Variants in THSD7A observed in about 807,000 individuals in gnomAD.
THSD7A encodes the protein thrombospondin type-1 domain-containing protein 7A.
THSD7A carries 96 observed loss-of-function variants against 231.3 expected under a neutral mutation model. That is an observed-to-expected ratio of 0.41 (90% CI 0.35 to 0.49). THSD7A has a LOEUF of 0.49. THSD7A is among the 20% of genes least tolerant of loss of function. The pLI is 0.05. For synonymous variants in THSD7A, 940 were observed against 743.3 expected, an observed-to-expected ratio of 1.26 and a Z score of -4.30; for missense variants, 2,290 against 2,070.2, an observed-to-expected ratio of 1.11 and a Z score of -2.06.
intron 6 of THSD7A, among the ~76,000 whole-genome samples, chr7:11,485,497 C>A (rs778482407): frequency 6.6e-6 from 1 of 152,198 alleles, no homozygotes; most frequent in Non-Finnish European, 1.5e-5. Context: ...ATGTTGTATA[C>A]ATCACCTCAG....
chr7:11,637,469 G>C lies in THSD7A; in HGVS notation c.191-508C>G, dbSNP rs772475474. Among the ~76,000 whole-genome samples, 1 of 152,114 alleles carries C rather than the reference G, an allele frequency of 6.6e-6. No individual in the cohort carries two copies. The highest frequency in any genetic ancestry group is 2.4e-5 in the African/African-American group (1 of 41,416). ...ATTTTCATAGACTATGACTGCAAGG[G>C]TCTAATAGTTGTATATCATGTGTGC... is the stretch of plus-strand genomic sequence containing the variant. On this transcript the variant is annotated intron_variant, in intron 1 of 27. Transcript: ENST00000423059. The surrounding 1 kb of genome is among the most constrained non-coding windows in gnomAD (Gnocchi z 4.2).
intron 6 of THSD7A, among the ~76,000 whole-genome samples, chr7:11,520,561 A>G (rs1190246368): frequency 1.3e-5 from 2 of 152,196 alleles, no homozygotes; most frequent in Admixed American, 1.3e-4. Context: ...ATGCCACAGT[A>G]TCATGCAAAT....
intron 1 of THSD7A, among the ~76,000 whole-genome samples, chr7:11,680,871 A>G (rs527240803): frequency 2.0e-5 from 3 of 152,274 alleles, no homozygotes; most frequent in African/African-American, 7.2e-5. Context: ...AAAGAATTAT[A>G]TATTATTCTA....
At position 11,543,246 on chromosome 7, in the gene THSD7A, C is replaced by T. The variant is rs1789231441; in HGVS notation, c.1454-129G>A. 3 of 701,630 alleles carry T rather than the reference C, an allele frequency of 4.3e-6. No homozygotes were observed. In the South Asian group the frequency reaches 7.1e-5, roughly 17 times the overall value. The allele number at this position is 701,630 out of a possible 1,614,324, so 43.5% of individuals were successfully genotyped here. Reference sequence around the variant, plus strand: ...GTGCTACCAAGACATTATTCCAATGCTTCTCAGCCACATCCTGAGAATAAA... The same window carrying T: ...GTGCTACCAAGACATTATTCCAATGTTTCTCAGCCACATCCTGAGAATAAA... On this transcript the variant is annotated intron_variant, in intron 4 of 27. Transcript: ENST00000423059.
At position 11,508,490 on chromosome 7, in the gene THSD7A, T is replaced by C. The variant is rs568748427; in HGVS notation, c.1823-26508A>G. On this transcript the variant is annotated intron_variant, in intron 6 of 27. Transcript: ENST00000423059. ...AAGAAATTAGAATCCTTGTACATTATTGATGAGAATACAAAATGGTGTAGC... is the reference window on the plus strand; with the variant it reads ...AAGAAATTAGAATCCTTGTACATTACTGATGAGAATACAAAATGGTGTAGC... Among the ~76,000 whole-genome samples the C allele has an allele frequency of 6.8e-4, 103 of 152,280 alleles. 1 individual carries two copies. The highest frequency in any genetic ancestry group is 1.5e-3 in the East Asian group (8 of 5,178).
At chr7:11,504,835 T>TC (rs1464708725) in intron 6 of THSD7A, among the ~76,000 whole-genome samples, 6 of 152,090 alleles carry the variant, frequency 3.9e-5, no homozygotes, top group Admixed American at 2.0e-4. Flanking sequence ...CTAACTCCTT[T>TC]TTTTTTATTG....
At chr7:11,389,801 A>C (rs569831476) in intron 23 of THSD7A, among the ~76,000 whole-genome samples, 8 of 152,286 alleles carry the variant, frequency 5.3e-5, no homozygotes, top group Admixed American at 4.6e-4. Context: ...CTGGTAAGGC[A>C]GGCCTGGTGG....
At chr7:11,508,536 C>T (rs545928426) in intron 6 of THSD7A, among the ~76,000 whole-genome samples, 1 of 152,224 alleles carries the variant, frequency 6.6e-6, no homozygotes, top group South Asian at 2.1e-4. Context: ...AATGATATGG[C>T]GGTTCACCAG....
At chr7:11,751,815 G>C (rs1054857149) in intron 1 of THSD7A, among the ~76,000 whole-genome samples, 1 of 151,936 alleles carries the variant, frequency 6.6e-6, no homozygotes, top group African/African-American at 2.4e-5. Flanking sequence ...CCAACCCCTG[G>C]TATTATATGA....
chr7:11,792,769 T>G (rs910260083), intron 1 of THSD7A, among the ~76,000 whole-genome samples: 5 of 152,026 alleles, frequency 3.3e-5, no homozygotes, highest in African/African-American at 9.7e-5. Flanking sequence ...ATATTTTCTG[T>G]AAATAGTTTA....
Position 11,632,814 on chromosome 7 carries a change from C to T in THSD7A, c.1022+3316G>A, listed in dbSNP as rs539597037. Among the ~76,000 whole-genome samples, 223 of 152,216 alleles carry T rather than the reference C, an allele frequency of 1.5e-3. No homozygotes were observed. Among genetic ancestry groups the T allele is most frequent in the Admixed American group, 3.5e-3 (54 of 15,290 alleles). ...GCAGAATATTAGTCTTGTACAATTT[C>T]GATGTGTGAATCAAGGTCTTCTTTT... is the stretch of plus-strand genomic sequence containing the variant. On this transcript the variant is annotated intron_variant, in intron 2 of 27. Transcript: ENST00000423059. The surrounding 1 kb of genome is among the most constrained non-coding windows in gnomAD (Gnocchi z 4.1).
chr7:11,741,104 G>A (rs946141715), intron 1 of THSD7A, among the ~76,000 whole-genome samples: 1 of 151,932 alleles, frequency 6.6e-6, no homozygotes, highest in Non-Finnish European at 1.5e-5. Context: ...CTGGAAAAGT[G>A]TAAGGGGGAA....
chr7:11,636,022 G>C lies in THSD7A; in HGVS notation c.1022+108C>G, dbSNP rs1226525710. Reference sequence around the variant, plus strand: ...TTAAATTTGGGGGTAGCTCATCCTAGGTTGTGCCCCTACGTAATCCAGAAG... The same window carrying C: ...TTAAATTTGGGGGTAGCTCATCCTACGTTGTGCCCCTACGTAATCCAGAAG... On this transcript the variant is annotated intron_variant, in intron 2 of 27. Transcript: ENST00000423059. The surrounding 1 kb of genome is among the most constrained non-coding windows in gnomAD (Gnocchi z 10.0). 2.8e-6 allele frequency: 3 copies of C among 1,056,042 alleles called. No homozygotes were observed. Among genetic ancestry groups the C allele is most frequent in the Admixed American group, 5.3e-5 (2 of 37,782 alleles). 65.4% of individuals were successfully genotyped at this position (1,056,042 alleles called of 1,614,324 possible).
At chr7:11,526,268 T>C (rs1788469773) in intron 6 of THSD7A, among the ~76,000 whole-genome samples, 1 of 152,196 alleles carries the variant, frequency 6.6e-6, no homozygotes, top group African/African-American at 2.4e-5. Flanking sequence ...CAAGTTCTTC[T>C]ATACTTCTGT....
intron 1 of THSD7A, among the ~76,000 whole-genome samples, chr7:11,682,609 G>T (rs181576562): frequency 0.046 from 6,963 of 151,992 alleles, 543 homozygotes; most frequent in African/African-American, 0.16. Flanking sequence ...TTTATAAAAT[G>T]ATTACCACTA....
At chr7:11,459,312 T>C (rs781091096) in intron 11 of THSD7A, among the ~76,000 whole-genome samples, 3 of 152,124 alleles carry the variant, frequency 2.0e-5, no homozygotes, top group Non-Finnish European at 1.5e-5. Context: ...CCCAAACTCA[T>C]GCTCATTTTC....
intron 16 of THSD7A, among the ~76,000 whole-genome samples, chr7:11,424,142 G>A (rs558290694): frequency 9.9e-5 from 15 of 151,060 alleles, no homozygotes; most frequent in Admixed American, 3.3e-4. Context: ...ACTGAAGCAT[G>A]GCTAGTGTGA....
At chr7:11,415,405 C>T (rs189904829) in intron 17 of THSD7A, among the ~76,000 whole-genome samples, 2 of 152,214 alleles carry the variant, frequency 1.3e-5, no homozygotes, top group South Asian at 2.1e-4. Flanking sequence ...ACCAATTATA[C>T]CAATTGTAAC....
intron 1 of THSD7A, among the ~76,000 whole-genome samples, chr7:11,790,257 A>G (rs141388029): frequency 5.7e-4 from 87 of 152,048 alleles, no homozygotes; most frequent in Non-Finnish European, 9.1e-4. Context: ...CTCTACCAAT[A>G]AGGTAGAGAA....
Sources: allele counts gnomAD v4.1 joint callset (sites outside exome capture counted in the v4.1 genomes callset), GRCh38; gene constraint gnomAD v4.1.1; non-coding constraint Gnocchi (gnomAD v3.1); transcripts MANE v1.5; gene names NCBI Gene and HGNC (gene_info 2026-07-23, HGNC 2026-07-21).